The following MAMDC2 variants were observed in gnomAD, a reference collection of about 807,000 sequenced individuals.
The protein encoded by MAMDC2 is MAM domain-containing protein 2.
MAMDC2 carries 57 observed loss-of-function variants against 89.8 expected under a neutral mutation model. The observed-to-expected ratio is 0.63, with a 90% CI of 0.51 to 0.79. The LOEUF is 0.79. Ranked by LOEUF, MAMDC2 falls within the 30% of genes least tolerant of loss-of-function variation. MAMDC2 has a pLI of 0.00. For missense variants in MAMDC2, 800 were observed against 820.6 expected, an observed-to-expected ratio of 0.97 and a Z score of 0.31; for synonymous variants, 313 against 293.4, an observed-to-expected ratio of 1.07 and a Z score of -0.68.
At chr9:70,224,351 T>G (rs1927100) in intron 12 of MAMDC2, among the ~76,000 whole-genome samples, 1 of 151,940 alleles carries the variant, frequency 6.6e-6, no homozygotes, top group Non-Finnish European at 1.5e-5. Flanking sequence ...AGCAAAGGTT[T>G]CCATTGCTAT....
chr9:70,211,499 A>C (rs190410997), intron 11 of MAMDC2, among the ~76,000 whole-genome samples: 1 of 152,260 alleles, frequency 6.6e-6, no homozygotes, highest in Non-Finnish European at 1.5e-5. Context: ...GGTCTTCTCT[A>C]TACTGTTTAT....
intron 11 of MAMDC2, among the ~76,000 whole-genome samples, chr9:70,212,029 T>C (rs1015648538): frequency 6.6e-6 from 1 of 152,228 alleles, no homozygotes; most frequent in Non-Finnish European, 1.5e-5. Flanking sequence ...TAAGTGTCAG[T>C]TGGCCCCTAC....
chr9:70,142,764 T>C (rs2031269110), intron 8 of MAMDC2, among the ~76,000 whole-genome samples: 1 of 152,048 alleles, frequency 6.6e-6, no homozygotes, highest in Non-Finnish European at 1.5e-5. Flanking sequence ...TGGGTAAAAC[T>C]AAACTGTATA....
intron 2 of MAMDC2, among the ~76,000 whole-genome samples, chr9:70,070,704 G>C (rs1026140984): frequency 2.6e-5 from 4 of 152,122 alleles, no homozygotes; most frequent in African/African-American, 9.7e-5. Flanking sequence ...TCAAACTTCA[G>C]TCTATTTTGG....
chr9:70,217,032 C>G (rs1292092073), intron 11 of MAMDC2, among the ~76,000 whole-genome samples: 2 of 152,170 alleles, frequency 1.3e-5, no homozygotes, highest in African/African-American at 2.4e-5. Flanking sequence ...CTGCAGCACA[C>G]CACTGCCTTA....
intron 3 of MAMDC2, among the ~76,000 whole-genome samples, chr9:70,108,710 C>A (rs1828414058): frequency 6.6e-6 from 1 of 152,142 alleles, no homozygotes; most frequent in South Asian, 2.1e-4. Flanking sequence ...AATGAGCCTT[C>A]TGTAAAAATC....
chr9:70,141,464 A>G (rs756648804), intron 8 of MAMDC2, among the ~76,000 whole-genome samples: 10 of 152,326 alleles, frequency 6.6e-5, no homozygotes, highest in Admixed American at 1.3e-4. Context: ...GGCAAGAGAA[A>G]CATTAGACAA....
At chr9:70,151,353 A>G (rs1242515599) in intron 9 of MAMDC2, among the ~76,000 whole-genome samples, 1 of 152,156 alleles carries the variant, frequency 6.6e-6, no homozygotes, top group Non-Finnish European at 1.5e-5. Context: ...TTTATTGTCC[A>G]TCTCTTTTCC....
At chr9:70,113,623 G>T (rs750367378) in intron 5 of MAMDC2, 11 of 154,626 alleles carry the variant, frequency 7.1e-5, no homozygotes, top group Non-Finnish European at 1.4e-4. Context: ...TGGCCAAGAA[G>T]GCTGCTTCTC....
intron 9 of MAMDC2, among the ~76,000 whole-genome samples, chr9:70,156,192 G>GA (rs200175578): frequency 2.0e-5 from 3 of 151,052 alleles, no homozygotes; most frequent in East Asian, 1.9e-4. Flanking sequence ...TCCCTTTTAG[G>GA]AAAAAAAAAG....
chr9:70,199,898 G>C (rs917374058), intron 11 of MAMDC2, among the ~76,000 whole-genome samples: 1 of 151,774 alleles, frequency 6.6e-6, no homozygotes, highest in Non-Finnish European at 1.5e-5. Flanking sequence ...TGATGGGGTT[G>C]TTTGTTCTTT....
chr9:70,185,167 G>C (rs931869778), intron 11 of MAMDC2, among the ~76,000 whole-genome samples: 2 of 152,190 alleles, frequency 1.3e-5, no homozygotes, highest in African/African-American at 4.8e-5. Flanking sequence ...CAGTTTGCTG[G>C]AGATCCATTC....
intron 9 of MAMDC2, among the ~76,000 whole-genome samples, chr9:70,155,592 G>A (rs2031732911): frequency 6.6e-6 from 1 of 152,040 alleles, no homozygotes; most frequent in African/African-American, 2.4e-5. Flanking sequence ...ATTCGACACC[G>A]ATGAACAATA....
intron 11 of MAMDC2, among the ~76,000 whole-genome samples, chr9:70,192,680 GA>G (rs1304243001): frequency 1.3e-5 from 2 of 152,058 alleles, no homozygotes; most frequent in African/African-American, 4.8e-5. Flanking sequence ...CTATGTTAAA[GA>G]AAAAATTATG....
intron 7 of MAMDC2, among the ~76,000 whole-genome samples, chr9:70,132,724 A>G (rs1279647865): frequency 6.6e-6 from 1 of 151,920 alleles, no homozygotes; most frequent in African/African-American, 2.4e-5. Context: ...AGGTCTCACT[A>G]TGTTGTCCAG....
chr9:70,156,424 A>T (rs2031767133), intron 9 of MAMDC2, among the ~76,000 whole-genome samples: 1 of 151,714 alleles, frequency 6.6e-6, no homozygotes, highest in African/African-American at 2.4e-5. Context: ...AAAGAGATTA[A>T]GGAAGCAGAA....
intron 11 of MAMDC2, among the ~76,000 whole-genome samples, chr9:70,184,888 C>T (rs2032718215): frequency 6.6e-6 from 1 of 152,076 alleles, no homozygotes; most frequent in Admixed American, 6.6e-5. Context: ...GTCAATTTGT[C>T]AAACTCATTC....
At chr9:70,066,128 T>C (rs527882490) in intron 2 of MAMDC2, among the ~76,000 whole-genome samples, 1 of 152,032 alleles carries the variant, frequency 6.6e-6, no homozygotes, top group African/African-American at 2.4e-5. Flanking sequence ...AGGATAGGTA[T>C]GAAGGAAGAT....
chr9:70,126,794 A>C (rs1235734070), intron 6 of MAMDC2, among the ~76,000 whole-genome samples: 2 of 151,270 alleles, frequency 1.3e-5, no homozygotes, highest in Non-Finnish European at 1.5e-5. Context: ...TCCTGAGAGC[A>C]GTTTTGAAGG....
Sources: gnomAD v4.1 joint callset for allele counts (sites outside exome capture counted in the v4.1 genomes callset) on GRCh38, gnomAD v4.1.1 for gene constraint, MANE v1.5 for transcripts, NCBI Gene and HGNC (gene_info 2026-07-23, HGNC 2026-07-21) for gene names.